Variants in PDE10A observed in about 807,000 individuals in gnomAD.
The protein encoded by PDE10A is phosphodiesterase 10A.
PDE10A carries 39 observed loss-of-function variants against 97.7 expected under a neutral mutation model. The observed-to-expected ratio is 0.40, with a 90% confidence interval of 0.31 to 0.52. The LOEUF (loss-of-function observed/expected upper bound fraction) is 0.52, where lower values mean the gene tolerates loss of function less well. Ranked by LOEUF, PDE10A falls within the 20% of genes least tolerant of loss-of-function variation. PDE10A has a pLI of 0.56. For missense variants in PDE10A, 731 were observed against 1,047.8 expected (o/e 0.70, Z 4.17); for synonymous variants, 371 against 376.8 (o/e 0.98, Z 0.18).
At chr6:165,672,710 A>G (rs190821911) in intron 1 of PDE10A, among the ~76,000 whole-genome samples, 4 of 152,318 alleles carry the variant, frequency 2.6e-5, no homozygotes, top group East Asian at 3.9e-4. Context: ...ACCTTCTGCC[A>G]TGATTGTGAG....
rs568127860 is a variant in PDE10A at position 165,430,913 on chromosome 6, G to T, written c.1542+509C>A. ...AAAAGAGAGAAGGAGAAGATACAAAGAACGCTATATTGCTACCATGTTCTT... is the reference window on the plus strand; with the variant it reads ...AAAAGAGAGAAGGAGAAGATACAAATAACGCTATATTGCTACCATGTTCTT... On this transcript the variant is annotated intron_variant, in intron 8 of 21. Transcript: ENST00000539869. Among the ~76,000 whole-genome samples, 7 of 152,142 alleles carry T rather than the reference G, an allele frequency of 4.6e-5. No individual in the cohort carries two copies. The South Asian group carries it at 1.2e-3, about 27-fold the overall frequency.
intron 1 of PDE10A, among the ~76,000 whole-genome samples, chr6:165,964,631 C>T (rs1441120648): frequency 1.3e-5 from 2 of 152,158 alleles, no homozygotes; most frequent in Admixed American, 1.3e-4. Context: ...GCGTCCTAGG[C>T]ACATGGGAAT....
intron 16 of PDE10A, among the ~76,000 whole-genome samples, chr6:165,389,839 A>G (rs1785557359): frequency 6.6e-6 from 1 of 152,218 alleles, no homozygotes; most frequent in African/African-American, 2.4e-5. Flanking sequence ...ATTCTAAAAT[A>G]AATCATCCAG....
intron 1 of PDE10A, among the ~76,000 whole-genome samples, chr6:165,864,190 C>A (rs1780980628): frequency 1.3e-5 from 2 of 151,816 alleles, no homozygotes; most frequent in Admixed American, 6.6e-5. Flanking sequence ...AAAAAAAAAT[C>A]TAATATTGTC....
At chr6:165,459,578 GAT>G (rs34327523) in intron 3 of PDE10A, among the ~76,000 whole-genome samples, 48,791 of 148,762 alleles carry the variant, frequency 0.33, 8,511 homozygotes, top group African/African-American at 0.46. Flanking sequence ...GATAATGATA[GAT>G]ATATATATAT....
intron 1 of PDE10A, among the ~76,000 whole-genome samples, chr6:165,598,469 A>G (rs1190884801): frequency 6.6e-6 from 1 of 152,220 alleles, no homozygotes; most frequent in African/African-American, 2.4e-5. Context: ...AAGTTGCTCC[A>G]TATCATGAAA....
chr6:165,811,516 C>T (rs1205021123), intron 1 of PDE10A, among the ~76,000 whole-genome samples: 1 of 152,182 alleles, frequency 6.6e-6, no homozygotes, highest in African/African-American at 2.4e-5. Flanking sequence ...CCTTTCTGTC[C>T]CTTCCCTGGT....
chr6:165,570,279 T>G (rs1056433128), intron 1 of PDE10A, among the ~76,000 whole-genome samples: 1 of 152,112 alleles, frequency 6.6e-6, no homozygotes, highest in Non-Finnish European at 1.5e-5. Context: ...TCAAAAATAA[T>G]AAGCATACAA....
chr6:165,945,736 T>C (rs1370957800), intron 1 of PDE10A, among the ~76,000 whole-genome samples: 2 of 152,226 alleles, frequency 1.3e-5, no homozygotes, highest in Non-Finnish European at 2.9e-5. Context: ...TAGTATTTGA[T>C]TGTAGTAGCC....
At chr6:165,982,019 C>A (rs1785034956) in intron 1 of PDE10A, among the ~76,000 whole-genome samples, 1 of 152,082 alleles carries the variant, frequency 6.6e-6, no homozygotes, top group South Asian at 2.1e-4. Flanking sequence ...TTTCCCATAC[C>A]CAGTTTCAGG....
rs1411880312 is a variant in PDE10A, at chr6:165,330,357, C to G, written c.*2668G>C. 1 of 152,124 alleles carries G rather than the reference C, an allele frequency of 6.6e-6. No individual in the cohort carries two copies. Among genetic ancestry groups the G allele is most frequent in the Non-Finnish European group, 1.5e-5 (1 of 68,018 alleles). 9.4% of individuals were successfully genotyped at this position (152,124 alleles called of 1,614,324 possible). A position where few individuals can be genotyped will look rare whatever the true frequency, so the allele number is the denominator to read the frequency against. On this transcript the variant is annotated 3_prime_UTR_variant, in exon 22 of 22. Coordinates refer to ENST00000539869, the MANE Select transcript of PDE10A (RefSeq NM_001385079.1). ...TCTGGGAACAAGACAAGAAACATGA[C>G]CCGAAAGTCTGTCTCCTAAACATCT... is the stretch of plus-strand genomic sequence containing the variant.
chr6:165,884,113 G>A (rs1781565483), intron 1 of PDE10A, among the ~76,000 whole-genome samples: 1 of 152,084 alleles, frequency 6.6e-6, no homozygotes, highest in Non-Finnish European at 1.5e-5. Flanking sequence ...GTTTAAACAG[G>A]AGGTCACCCA....
chr6:165,742,049 A>C (rs1759758833), intron 1 of PDE10A, among the ~76,000 whole-genome samples: 1 of 152,232 alleles, frequency 6.6e-6, no homozygotes, highest in South Asian at 2.1e-4. Flanking sequence ...CATCACAGTC[A>C]CTGCTGTTTA....
chr6:165,705,513 G>A (rs1184918068), intron 1 of PDE10A, among the ~76,000 whole-genome samples: 1 of 152,220 alleles, frequency 6.6e-6, no homozygotes, highest in Non-Finnish European at 1.5e-5. Flanking sequence ...TGCAGAGCAG[G>A]TCTTCACAAA....
At chr6:165,730,863 G>A (rs1199040492) in intron 1 of PDE10A, among the ~76,000 whole-genome samples, 5 of 151,808 alleles carry the variant, frequency 3.3e-5, no homozygotes, top group African/African-American at 4.8e-5. Context: ...GGCCAACATA[G>A]TGAAACCCCA....
chr6:165,716,690 G>C (rs958865770), intron 1 of PDE10A, among the ~76,000 whole-genome samples: 1 of 152,206 alleles, frequency 6.6e-6, no homozygotes, highest in Non-Finnish European at 1.5e-5. Flanking sequence ...GGTCATGGGT[G>C]TGGATCAAGA....
chr6:165,666,776 C>T (rs1300630990), upstream of PDE10A, among the ~76,000 whole-genome samples: 1 of 151,790 alleles, frequency 6.6e-6, no homozygotes, highest in South Asian at 2.1e-4. Context: ...TGTATTTTAT[C>T]TGCACATATC....
chr6:165,557,320 T>C (rs1238352485), intron 1 of PDE10A, among the ~76,000 whole-genome samples: 5 of 151,956 alleles, frequency 3.3e-5, no homozygotes, highest in Non-Finnish European at 7.4e-5. Flanking sequence ...AAGAGACTTA[T>C]ATACCGATTC....
chr6:165,951,113 G>A (rs1270016947), intron 1 of PDE10A, among the ~76,000 whole-genome samples: 6 of 152,174 alleles, frequency 3.9e-5, no homozygotes, highest in Non-Finnish European at 7.3e-5. Context: ...GTTGAAATAA[G>A]CCACACTGTT....
Sources: gnomAD v4.1 joint callset for allele counts (sites outside exome capture counted in the v4.1 genomes callset) on GRCh38, gnomAD v4.1.1 for gene constraint, MANE v1.5 for transcripts, NCBI Gene and HGNC (gene_info 2026-07-23, HGNC 2026-07-21) for gene names.